The following EDIL3 variants were observed in gnomAD, a reference collection of about 807,000 sequenced individuals.
EDIL3 encodes EGF like and discoidin domains 3.
Under a neutral mutation model 67.4 loss-of-function variants are expected in EDIL3, and 37 were observed. The observed-to-expected ratio is 0.55, with a 90% CI of 0.42 to 0.72. The LOEUF is 0.72. Among genes scored for constraint, EDIL3 ranks in the 30% least tolerant of loss-of-function variants. The pLI is 0.00. For synonymous variants in EDIL3, 195 were observed against 196.3 expected, an observed-to-expected ratio of 0.99 and a Z score of 0.05; for missense variants, 527 against 586.3, an observed-to-expected ratio of 0.90 and a Z score of 1.04.
rs1487443527 is a variant in EDIL3 at position 84,384,878 on chromosome 5, T to A, written c.-504A>T. 2.6e-5 allele frequency: 4 copies of A among 152,378 alleles called. No homozygotes were observed. Among genetic ancestry groups the A allele is most frequent in the African/African-American group, 9.7e-5 (4 of 41,436 alleles). 9.4% of individuals were successfully genotyped at this position (152,378 alleles called of 1,614,324 possible). On this transcript the variant is annotated 5_prime_UTR_variant, in exon 1 of 11. Transcript: ENST00000296591. ...TGTGTACAAACAGAGGCGGCGTGCGTGTGAGTCTGAGCCTGGCAGGCGCGC... is the reference window on the plus strand; with the variant it reads ...TGTGTACAAACAGAGGCGGCGTGCGAGTGAGTCTGAGCCTGGCAGGCGCGC...
chr5:84,278,304 T>A (rs1190278726), intron 1 of EDIL3, among the ~76,000 whole-genome samples: 1 of 152,202 alleles, frequency 6.6e-6, no homozygotes, highest in African/African-American at 2.4e-5. Flanking sequence ...AATTACGTCA[T>A]CTGTAACTAA....
intron 1 of EDIL3, among the ~76,000 whole-genome samples, chr5:84,267,764 T>A (rs955279191): frequency 6.6e-6 from 1 of 152,126 alleles, no homozygotes; most frequent in Admixed American, 6.6e-5. Flanking sequence ...AACAATCACA[T>A]GAAAATGATA....
intron 5 of EDIL3, among the ~76,000 whole-genome samples, chr5:84,117,020 AT>A (rs34997139): frequency 7.3e-4 from 61 of 83,234 alleles, no homozygotes; most frequent in Admixed American, 1.6e-3. Flanking sequence ...TTAAGTACTT[AT>A]TTTTTTTTTT....
At chr5:84,296,055 T>C (rs750509445) in intron 1 of EDIL3, among the ~76,000 whole-genome samples, 1 of 152,344 alleles carries the variant, frequency 6.6e-6, no homozygotes, top group East Asian at 1.9e-4. Flanking sequence ...TCTCTATTTG[T>C]TGTTATAAAG....
At chr5:84,231,461 A>T (rs1375147824) in intron 2 of EDIL3, among the ~76,000 whole-genome samples, 1 of 152,238 alleles carries the variant, frequency 6.6e-6, no homozygotes, top group African/African-American at 2.4e-5. Flanking sequence ...TTTTAAAATA[A>T]AAATTTACTC....
chr5:84,082,549 G>T (rs1380793722), intron 6 of EDIL3, among the ~76,000 whole-genome samples: 1 of 152,092 alleles, frequency 6.6e-6, no homozygotes, highest in African/African-American at 2.4e-5. Flanking sequence ...ATTATCAAGG[G>T]ACAACTTAGC....
chr5:84,210,971 G>A (rs1328921649), intron 3 of EDIL3, among the ~76,000 whole-genome samples: 1 of 152,140 alleles, frequency 6.6e-6, no homozygotes, highest in African/African-American at 2.4e-5. Context: ...TGTCACTATT[G>A]TAGTAGGTTG....
intron 5 of EDIL3, among the ~76,000 whole-genome samples, chr5:84,134,782 G>C (rs2112313469): frequency 6.6e-6 from 1 of 152,174 alleles, no homozygotes; most frequent in Non-Finnish European, 1.5e-5. Context: ...GAACTCTCTA[G>C]GTGACTCTTT....
chr5:84,301,274 A>T (rs1746155950), intron 1 of EDIL3, among the ~76,000 whole-genome samples: 1 of 139,776 alleles, frequency 7.2e-6, no homozygotes, highest in South Asian at 2.3e-4. Flanking sequence ...GTCTCAAAAA[A>T]AAAAGAAAAA....
chr5:84,378,155 T>C (rs901823019), intron 1 of EDIL3, among the ~76,000 whole-genome samples: 1 of 152,230 alleles, frequency 6.6e-6, no homozygotes, highest in African/African-American at 2.4e-5. Context: ...GGGAAAAGTC[T>C]TAAATAAGTA....
chr5:84,356,050 A>G (rs1747473813), intron 1 of EDIL3, among the ~76,000 whole-genome samples: 1 of 152,186 alleles, frequency 6.6e-6, no homozygotes, highest in Non-Finnish European at 1.5e-5. Context: ...ATTTATCTCT[A>G]ACAATATTAA....
intron 3 of EDIL3, among the ~76,000 whole-genome samples, chr5:84,191,041 T>G (rs1179167669): frequency 6.6e-6 from 1 of 152,056 alleles, no homozygotes; most frequent in Non-Finnish European, 1.5e-5. Flanking sequence ...AGAGATTGGA[T>G]ATAAATATCA....
chr5:84,291,256 G>A (rs1017247847), intron 1 of EDIL3, among the ~76,000 whole-genome samples: 3 of 152,076 alleles, frequency 2.0e-5, no homozygotes, highest in Non-Finnish European at 2.9e-5. Flanking sequence ...TGATCGGCAC[G>A]AGAATGTCAG....
intron 10 of EDIL3, among the ~76,000 whole-genome samples, chr5:83,961,600 A>G (rs1433433493): frequency 2.0e-5 from 3 of 151,278 alleles, no homozygotes; most frequent in African/African-American, 4.8e-5. Context: ...TGTTTACTGA[A>G]TCTTACACAT....
At chr5:84,256,184 T>C (rs904289967) in intron 1 of EDIL3, among the ~76,000 whole-genome samples, 8 of 147,536 alleles carry the variant, frequency 5.4e-5, no homozygotes, top group African/African-American at 2.0e-4. Flanking sequence ...TCCACACATA[T>C]AGCTAGCTAG....
intron 1 of EDIL3, among the ~76,000 whole-genome samples, chr5:84,370,753 A>G (rs1305533791): frequency 1.3e-5 from 2 of 152,164 alleles, no homozygotes; most frequent in Non-Finnish European, 2.9e-5. Context: ...TGCCACTACT[A>G]AAGTATTTAT....
intron 4 of EDIL3, among the ~76,000 whole-genome samples, chr5:84,138,981 TGTCATCC>T (rs1477145146): frequency 5.3e-5 from 8 of 152,246 alleles, no homozygotes; most frequent in Non-Finnish European, 1.2e-4. Context: ...GGCTCACACC[TGTCATCC>T]CAGCACTTTG....
At chr5:84,304,660 A>T (rs1439123924) in intron 1 of EDIL3, among the ~76,000 whole-genome samples, 2 of 152,200 alleles carry the variant, frequency 1.3e-5, no homozygotes, top group Non-Finnish European at 2.9e-5. Context: ...CATATAAAGG[A>T]TCTGATGAAT....
At chr5:84,322,599 T>C (rs903987741) in intron 1 of EDIL3, among the ~76,000 whole-genome samples, 2 of 152,008 alleles carry the variant, frequency 1.3e-5, no homozygotes, top group Non-Finnish European at 2.9e-5. Flanking sequence ...AACTTACACA[T>C]TGTGGAAATC....
Sources: allele counts gnomAD v4.1 joint callset (sites outside exome capture counted in the v4.1 genomes callset), GRCh38; gene constraint gnomAD v4.1.1; transcripts MANE v1.5; gene names NCBI Gene and HGNC (gene_info 2026-07-23, HGNC 2026-07-21).